Variants in PAK1IP1 observed in about 807,000 individuals in gnomAD.
PAK1IP1 encodes p21-activated protein kinase-interacting protein 1.
A neutral mutation model predicts 42.0 loss-of-function variants in PAK1IP1; 24 were observed. The ratio of observed to expected loss-of-function variants is 0.57; its 90% CI spans 0.41 to 0.80. PAK1IP1 has a LOEUF of 0.80. Among genes scored for constraint, PAK1IP1 ranks in the 30% least tolerant of loss-of-function variants. PAK1IP1 has a pLI of 0.00. For synonymous variants in PAK1IP1, 154 were observed against 156.7 expected, an observed-to-expected ratio of 0.98 and a Z score of 0.13; for missense variants, 411 against 467.9, an observed-to-expected ratio of 0.88 and a Z score of 1.12.
At chr6:10,691,064 C>T (rs115326461), upstream of PAK1IP1, among the ~76,000 whole-genome samples, 1,879 of 152,316 alleles carry the variant, frequency 0.012, 37 homozygotes, top group African/African-American at 0.041. Context: ...AGCAGCATTG[C>T]TGGCTCTGTT....
intron 2 of PAK1IP1, among the ~76,000 whole-genome samples, chr6:10,699,408 G>T (rs1248861175): frequency 6.6e-6 from 1 of 152,116 alleles, no homozygotes; most frequent in African/African-American, 2.4e-5. Flanking sequence ...TGCCCAGGCT[G>T]TGGGTGTAGG....
At chr6:10,694,468 C>G, upstream of PAK1IP1, 1 of 154,542 alleles carries the variant, frequency 6.5e-6, no homozygotes, top group Non-Finnish European at 1.5e-5. Context: ...CAAGTCACCG[C>G]GAACCCTAAT....
chr6:10,691,370 G>C (rs1769285020), upstream of PAK1IP1, among the ~76,000 whole-genome samples: 1 of 152,124 alleles, frequency 6.6e-6, no homozygotes, highest in South Asian at 2.1e-4. Flanking sequence ...GGAGGTCCGT[G>C]TGAGAGGGTC....
upstream of PAK1IP1, among the ~76,000 whole-genome samples, chr6:10,691,347 C>T (rs1769282659): frequency 6.6e-6 from 1 of 152,100 alleles, no homozygotes; most frequent in Admixed American, 6.5e-5. Flanking sequence ...CTTTTAAGGG[C>T]TTACAACTCT....
upstream of PAK1IP1, among the ~76,000 whole-genome samples, chr6:10,693,390 C>T (rs1769531516): frequency 6.6e-6 from 1 of 152,212 alleles, no homozygotes; most frequent in Non-Finnish European, 1.5e-5. Context: ...TTATCTATTT[C>T]TAACAATAAC....
At chr6:10,694,909 T>G (rs576058557), upstream of PAK1IP1, 247 of 888,454 alleles carry the variant, frequency 2.8e-4, no homozygotes, top group East Asian at 4.6e-3. Flanking sequence ...AGGTGTTTTT[T>G]TTTTTTTTTT....
In PAK1IP1 at chr6:10,704,595, A is replaced by C; in HGVS notation, c.585A>C (p.Ala195=). The C allele has an allele frequency of 6.2e-7, 1 of 1,605,832 alleles. No homozygotes were observed. The highest frequency in any genetic ancestry group is 8.5e-7 in the Non-Finnish European group (1 of 1,173,190). The change falls in exon 6 of 10, where the codon GCA becomes GCC. Residue 195 remains alanine (A), a synonymous_variant. Coordinates refer to ENST00000379568, the MANE Select transcript of PAK1IP1 (RefSeq NM_017906.3). ...TAGACATCTATCAGCTTGACACTGC[A>C]TCCATTAGTGGCACCATCACAAATG... is the stretch of plus-strand genomic sequence containing the variant. The part of the protein sequence containing the change: ...NKIDIYQLDT[A]SISGTITNEK...
Position 10,709,442 on chromosome 6 carries a change from C to A in PAK1IP1, c.1169C>A (p.Thr390Lys), listed in dbSNP as rs764243590. ...AAGAGGAAAAAGAAGAAAATAAAAACAATGCAGTGAATCACAGATGTCTCC... is the reference window on the plus strand; with the variant it reads ...AAGAGGAAAAAGAAGAAAATAAAAAAAATGCAGTGAATCACAGATGTCTCC... The part of the protein sequence containing the change: ...EKKRKKKKIK[T>K]MQ Residue 390 changes from threonine (T) to lysine (K), a missense_variant, in exon 10 of 10, where the codon ACA (threonine) becomes AAA (lysine). Transcript: ENST00000379568. 31 of 1,601,836 alleles carry A rather than the reference C, an allele frequency of 1.9e-5. No individual in the cohort carries two copies. The highest frequency in any genetic ancestry group is 2.3e-5 in the Non-Finnish European group (27 of 1,172,370).
intron 1 of PAK1IP1, among the ~76,000 whole-genome samples, chr6:10,695,604 C>T (rs1420234282): frequency 1.3e-5 from 2 of 151,914 alleles, no homozygotes; most frequent in Non-Finnish European, 2.9e-5. Context: ...ACTGAGGAGA[C>T]GCATAGATGG....
chr6:10,692,154 T>A (rs1769371650), upstream of PAK1IP1, among the ~76,000 whole-genome samples: 1 of 152,186 alleles, frequency 6.6e-6, no homozygotes, highest in South Asian at 2.1e-4. Context: ...TTTGAAAGTT[T>A]TAGCGGTTTT....
At chr6:10,693,443 T>G (rs1302791095), upstream of PAK1IP1, among the ~76,000 whole-genome samples, 2 of 152,186 alleles carry the variant, frequency 1.3e-5, no homozygotes, top group Non-Finnish European at 2.9e-5. Flanking sequence ...GCATCCCAAA[T>G]GAAATCATTT....
rs147437498 is a variant in PAK1IP1, at chr6:10,709,327, C to T, written c.1054C>T (p.Arg352Cys). The T allele has an allele frequency of 2.6e-5, 42 of 1,613,568 alleles. No individual in the cohort carries two copies. Among genetic ancestry groups the T allele is most frequent in the African/African-American group, 1.6e-4 (12 of 74,808 alleles). Reference protein sequence around the residue: ...EKRSKPNTKKRGLTGDSKKAT... With the variant: ...EKRSKPNTKKCGLTGDSKKAT... The stretch of plus-strand genomic sequence containing the variant: ...GCGGTCAAAACCTAACACAAAGAAA[C>T]GCGGTTTAACAGGTGACAGTAAGAA... The change falls in exon 10 of 10, where the codon CGC (arginine) becomes TGC (cysteine). Residue 352 changes from arginine to cysteine, a missense_variant. Coordinates refer to ENST00000379568, the MANE Select transcript of PAK1IP1 (RefSeq NM_017906.3).
intron 4 of PAK1IP1, 83 bp downstream of exon 4, chr6:10,702,722 A>G: frequency 1.0e-6 from 1 of 994,176 alleles, no homozygotes; most frequent in Non-Finnish European, 1.6e-6. Flanking sequence ...CTGTTATACA[A>G]GGGAAAGGTC....
upstream of PAK1IP1, among the ~76,000 whole-genome samples, chr6:10,691,857 A>G (rs1454284966): frequency 6.6e-6 from 1 of 152,062 alleles, no homozygotes; most frequent in Non-Finnish European, 1.5e-5. Flanking sequence ...TTTAAAGTAA[A>G]ACCACTTTGA....
chr6:10,707,577 AT>A, intron 8 of PAK1IP1, 63 bp downstream of exon 8: 2 of 996,460 alleles, frequency 2.0e-6, no homozygotes, highest in East Asian at 2.4e-5. Flanking sequence ...GTGAGGTGGA[AT>A]TTTTTTAAGG....
intron 2 of PAK1IP1, among the ~76,000 whole-genome samples, chr6:10,701,919 T>A (rs765592681): frequency 1.3e-5 from 2 of 151,984 alleles, no homozygotes; most frequent in South Asian, 2.1e-4. Context: ...CATGAAAAAA[T>A]TTAAGGTATG....
upstream of PAK1IP1, among the ~76,000 whole-genome samples, chr6:10,691,859 C>G (rs1769343463): frequency 6.6e-6 from 1 of 151,832 alleles, no homozygotes; most frequent in Non-Finnish European, 1.5e-5. Context: ...TAAAGTAAAA[C>G]CACTTTGAGT....
At chr6:10,692,673 T>A (rs188653042), upstream of PAK1IP1, among the ~76,000 whole-genome samples, 5 of 152,172 alleles carry the variant, frequency 3.3e-5, no homozygotes, top group African/African-American at 1.2e-4. Flanking sequence ...TCTCTTGATC[T>A]CGTCAAAGTG....
chr6:10,707,602 G>A lies in PAK1IP1; in HGVS notation c.840+88G>A, dbSNP rs547432785. 18 of 773,536 alleles carry A rather than the reference G, an allele frequency of 2.3e-5. No homozygotes were observed. The Admixed American group carries it at 3.2e-4, about 14-fold the overall frequency. 47.9% of individuals were successfully genotyped at this position (773,536 alleles called of 1,614,324 possible). On this transcript the variant is annotated intron_variant, in intron 8 of 9. Coordinates refer to ENST00000379568, the MANE Select transcript of PAK1IP1 (RefSeq NM_017906.3). ...ATTTTTTTAAGGGTCATAAGACATA[G>A]GTCTTTAAACTTTTTAAATCTCTTC...
Sources: gnomAD v4.1 joint callset for allele counts (sites outside exome capture counted in the v4.1 genomes callset) on GRCh38, gnomAD v4.1.1 for gene constraint, MANE v1.5 for transcripts, NCBI Gene and HGNC (gene_info 2026-07-23, HGNC 2026-07-21) for gene names.